Variants in SLC27A4 observed in about 807,000 individuals in gnomAD.
The protein encoded by SLC27A4 is solute carrier family 27 member 4, also known as long-chain fatty acid transport protein 4.
Under a neutral mutation model 64.4 loss-of-function variants are expected in SLC27A4, and 33 were observed. The observed-to-expected ratio is 0.51, with a 90% CI of 0.39 to 0.68. The LOEUF is 0.68. SLC27A4 is among the 30% of genes least tolerant of loss of function. The pLI, the probability that SLC27A4 is intolerant of heterozygous loss-of-function variation, is 0.00. For synonymous variants in SLC27A4, 377 were observed against 370.0 expected, an observed-to-expected ratio of 1.02 and a Z score of -0.22; for missense variants, 824 against 883.5, an observed-to-expected ratio of 0.93 and a Z score of 0.85.
At chr9:128,360,111 A>T (rs922925569) in intron 12 of SLC27A4, among the ~76,000 whole-genome samples, 1 of 152,174 alleles carries the variant, frequency 6.6e-6, no homozygotes, top group Non-Finnish European at 1.5e-5. Flanking sequence ...CCCATCTGCA[A>T]AGTAGGGGTG....
intron 3 of SLC27A4, among the ~76,000 whole-genome samples, chr9:128,346,147 TA>T (rs1832653061): frequency 6.6e-6 from 1 of 152,144 alleles, no homozygotes; most frequent in Admixed American, 6.5e-5. Context: ...GCGATCCACC[TA>T]CCTCTGCCTC....
intron 2 of SLC27A4, among the ~76,000 whole-genome samples, chr9:128,344,923 G>A (rs559512111): frequency 2.6e-5 from 4 of 152,266 alleles, no homozygotes; most frequent in African/African-American, 4.8e-5. Flanking sequence ...ACGGCACCAC[G>A]AGAGCCTTGA....
chr9:128,350,056 C>T (rs1832710464), intron 4 of SLC27A4, among the ~76,000 whole-genome samples: 1 of 152,224 alleles, frequency 6.6e-6, no homozygotes, highest in South Asian at 2.1e-4. Context: ...GCCAAGAGGG[C>T]CAGGCCCGTG....
At chr9:128,359,906 C>G (rs1053266383) in intron 12 of SLC27A4, among the ~76,000 whole-genome samples, 1 of 152,166 alleles carries the variant, frequency 6.6e-6, no homozygotes, top group Non-Finnish European at 1.5e-5. Flanking sequence ...CAAGCACGTC[C>G]GTGTTAGAAT....
At chr9:128,347,429 T>C (rs1458527819) in intron 3 of SLC27A4, among the ~76,000 whole-genome samples, 3 of 152,012 alleles carry the variant, frequency 2.0e-5, no homozygotes, top group African/African-American at 7.2e-5. Context: ...GGGAAGTCAT[T>C]AGGATGCTGA....
In SLC27A4 at chr9:128,355,768, G is replaced by T; in HGVS notation, c.1746G>T (p.Leu582=). 1 of 1,613,674 alleles carries T rather than the reference G, an allele frequency of 6.2e-7. No homozygotes were observed. Among genetic ancestry groups the T allele is most frequent in the African/African-American group, 1.3e-5 (1 of 75,044 alleles). ...ELPLYARPIF[L]RLLPELHKTG... is the part of the protein sequence containing the mutation. The stretch of plus-strand genomic sequence containing the variant: ...CCCTGTATGCGCGCCCCATCTTCCT[G>T]CGCCTCCTGCCTGAGCTGCACAAAA... The change falls in exon 12 of 13, where the codon CTG becomes CTT. Residue 582 remains leucine, a synonymous_variant. Coordinates refer to ENST00000300456, the MANE Select transcript of SLC27A4 (RefSeq NM_005094.4).
Position 128,355,130 on chromosome 9 carries a change from G to T in SLC27A4, c.1402G>T (p.Ala468Ser), listed in dbSNP as rs771361561. Residue 468 changes from alanine to serine, a missense_variant, in exon 10 of 13, where the codon GCC becomes TCC. By Grantham distance (99) the Ala-to-Ser change is moderately conservative. Coordinates refer to ENST00000300456, the MANE Select transcript of SLC27A4 (RefSeq NM_005094.4). ...RRFDGYLNQGANNKKIAKDVF... is the reference protein window; with the variant it reads ...RRFDGYLNQGSNNKKIAKDVF... ...CTTCGATGGCTACCTCAACCAGGGC[G>T]CCAACAACAAGAAGATTGCCAAGGA... The T allele has an allele frequency of 4.3e-6, 7 of 1,613,588 alleles. 1 individual carries two copies. The highest frequency in any genetic ancestry group is 1.1e-5 in the South Asian group (1 of 91,052).
chr9:128,345,488 G>A lies in SLC27A4; in HGVS notation c.495G>A (p.Leu165=). Residue 165 remains leucine, a synonymous_variant, in exon 3 of 13, where the codon CTG becomes CTA. Coordinates refer to ENST00000300456, the MANE Select transcript of SLC27A4 (RefSeq NM_005094.4). This position sits in a 1 kb window ranked among gnomAD's most constrained non-coding sequence, Gnocchi z 4.1. ...ACACCAACCTGCGGCGGGATGCTCT[G>A]CTCCACTGCCTCACCACCTCGCGCG... ...LINTNLRRDA[L]LHCLTTSRAR... is the part of the protein sequence containing the mutation. The A allele has an allele frequency of 6.2e-7, 1 of 1,612,368 alleles. No homozygotes were observed. The highest frequency in any genetic ancestry group is 8.5e-7 in the Non-Finnish European group (1 of 1,179,604).
chr9:128,356,313 A>G (rs1832819597), intron 12 of SLC27A4, among the ~76,000 whole-genome samples: 1 of 152,186 alleles, frequency 6.6e-6, no homozygotes, highest in South Asian at 2.1e-4. Context: ...AGGAATAGAC[A>G]CTGTAAAGCC....
chr9:128,353,602 G>A lies in SLC27A4; in HGVS notation c.1324+61G>A, dbSNP rs192848182. On this transcript the variant is annotated intron_variant, in intron 9 of 12. Transcript: ENST00000300456. The surrounding 1 kb of genome is among the most constrained non-coding windows in gnomAD (Gnocchi z 4.9). Reference sequence around the variant, plus strand: ...CCTGGGAAGGAAGGAGGCCAGGCGCGTGTGGATGGGGAGCCTTGTTCTGAC... The same window carrying A: ...CCTGGGAAGGAAGGAGGCCAGGCGCATGTGGATGGGGAGCCTTGTTCTGAC... 4.8e-5 allele frequency: 75 copies of A among 1,576,300 alleles called. No individual in the cohort carries two copies. The African/African-American group carries it at 6.4e-4, about 14-fold the overall frequency.
rs763582559 is a variant in SLC27A4, at chr9:128,348,691, AAG to A, written c.704_705del (p.Lys235ArgfsTer5). Reference sequence around the variant, plus strand: ...CAAGCACCTTCCCAGTTGCCCTGACAAGGGCTTCACAGGTGGGCTCCATCCCC... The same window carrying A: ...CAAGCACCTTCCCAGTTGCCCTGACAGGCTTCACAGGTGGGCTCCATCCCC... ...APKHLPSCPD[K>X]GFTDKLFYIY... On this transcript the variant is annotated frameshift_variant, in exon 4 of 13. Transcript: ENST00000300456. LOFTEE classifies it high-confidence loss of function. 12 of 1,613,826 alleles carry A rather than the reference AAG, an allele frequency of 7.4e-6. No homozygotes were observed. The highest frequency in any genetic ancestry group is 2.7e-5 in the African/African-American group (2 of 74,928).
Position 128,355,498 on chromosome 9 carries a change from G to C in SLC27A4, c.1563G>C (p.Val521=). 1 of 1,613,428 alleles carries C rather than the reference G, an allele frequency of 6.2e-7. No individual in the cohort carries two copies. Among genetic ancestry groups the C allele is most frequent in the Non-Finnish European group, 8.5e-7 (1 of 1,180,034 alleles). ...WKGENVSTTE[V]EGTLSRLLDM... Reference sequence around the variant, plus strand: ...GTGAGAACGTGTCCACCACCGAGGTGGAAGGCACACTCAGCCGCCTGCTGG... The same window carrying C: ...GTGAGAACGTGTCCACCACCGAGGTCGAAGGCACACTCAGCCGCCTGCTGG... The change falls in exon 11 of 13, where the codon GTG becomes GTC. Residue 521 remains valine (V), a synonymous_variant. Transcript: ENST00000300456.
chr9:128,342,601 G>T (rs547428791), intron 1 of SLC27A4: 40 of 490,440 alleles, frequency 8.2e-5, no homozygotes, highest in Non-Finnish European at 9.9e-5. Flanking sequence ...GGAAGAAGTG[G>T]GGTGGGACGA....
At chr9:128,359,260 A>G (rs887079461) in intron 12 of SLC27A4, among the ~76,000 whole-genome samples, 3 of 152,122 alleles carry the variant, frequency 2.0e-5, no homozygotes, top group African/African-American at 7.2e-5. Flanking sequence ...AGGCTGAGGC[A>G]GGTAGCTCGC....
chr9:128,340,915 C>T, intron 1 of SLC27A4, 77 bp downstream of exon 1: 1 of 516,792 alleles, frequency 1.9e-6, no homozygotes, highest in South Asian at 2.4e-5. Context: ...GCGGTGCGGA[C>T]CCCAGGTGGG....
chr9:128,360,277 G>A, intron 12 of SLC27A4, 57 bp from the exon 13 acceptor site: 3 of 1,603,306 alleles, frequency 1.9e-6, no homozygotes, highest in South Asian at 1.1e-5. Context: ...CTGGTGGTTG[G>A]GAAGCTGGGA....
At chr9:128,356,786 A>G (rs71497691) in intron 12 of SLC27A4, among the ~76,000 whole-genome samples, 1 of 128,612 alleles carries the variant, frequency 7.8e-6, no homozygotes, top group African/African-American at 3.4e-5. Flanking sequence ...CACTAAAAAT[A>G]CAAACATAAA....
rs752941643 is a variant in SLC27A4 at position 128,348,718 on chromosome 9, C to T, written c.715+15C>T. The T allele has an allele frequency of 1.2e-6, 2 of 1,613,308 alleles. No homozygotes were observed. The highest frequency in any genetic ancestry group is 2.2e-5 in the East Asian group (1 of 44,894). On this transcript the variant is annotated intron_variant, in intron 4 of 12. Transcript: ENST00000300456. ...GGGCTTCACAGGTGGGCTCCATCCCCTCCCCATAGAGGGGCTCTCACACAG... is the reference window on the plus strand; with the variant it reads ...GGGCTTCACAGGTGGGCTCCATCCCTTCCCCATAGAGGGGCTCTCACACAG...
intron 1 of SLC27A4, among the ~76,000 whole-genome samples, chr9:128,341,308 G>A (rs1338539628): frequency 6.6e-6 from 1 of 152,156 alleles, no homozygotes; most frequent in Non-Finnish European, 1.5e-5. Context: ...CCCAAGAACA[G>A]GAAAACTCGG....
Sources: allele counts gnomAD v4.1 joint callset (sites outside exome capture counted in the v4.1 genomes callset), GRCh38; gene constraint gnomAD v4.1.1; non-coding constraint Gnocchi (gnomAD v3.1); transcripts MANE v1.5; gene names NCBI Gene and HGNC (gene_info 2026-07-23, HGNC 2026-07-21).